TAF1B: variants seen among roughly 807,000 people sequenced by gnomAD.
TAF1B encodes the protein TATA box-binding protein-associated factor RNA polymerase I subunit B.
A neutral mutation model predicts 83.9 loss-of-function variants in TAF1B; 61 were observed. The observed-to-expected ratio is 0.73, with a 90% CI of 0.59 to 0.90. TAF1B has a LOEUF of 0.90. Ranked by LOEUF, TAF1B falls within the 40% of genes least tolerant of loss-of-function variation. The probability of loss-of-function intolerance (pLI) is 0.00; values close to 1 mark genes in which losing one functional copy is unlikely to be tolerated. For missense variants in TAF1B, 625 were observed against 677.0 expected, an observed-to-expected ratio of 0.92 and a Z score of 0.85; for synonymous variants, 221 against 224.6, an observed-to-expected ratio of 0.98 and a Z score of 0.14.
At chr2:9,887,275 T>C (rs566064490) in intron 8 of TAF1B, among the ~76,000 whole-genome samples, 4 of 152,368 alleles carry the variant, frequency 2.6e-5, no homozygotes, top group East Asian at 3.9e-4. Flanking sequence ...AAATGAGTTA[T>C]GTTTACTTGC....
intron 8 of TAF1B, among the ~76,000 whole-genome samples, chr2:9,888,110 T>TGG (rs1664736082): frequency 6.6e-6 from 1 of 152,232 alleles, no homozygotes; most frequent in Non-Finnish European, 1.5e-5. Context: ...ATCTCCACTG[T>TGG]TGATTTATTA....
intron 8 of TAF1B, among the ~76,000 whole-genome samples, chr2:9,883,373 T>TA (rs1664571173): frequency 1.3e-5 from 2 of 152,238 alleles, no homozygotes; most frequent in Non-Finnish European, 2.9e-5. Flanking sequence ...TACTAAATGT[T>TA]AAAGATTTTC....
intron 14 of TAF1B, among the ~76,000 whole-genome samples, chr2:9,930,579 T>C (rs1666182005): frequency 6.6e-6 from 1 of 152,216 alleles, no homozygotes; most frequent in Non-Finnish European, 1.5e-5. Context: ...AGTGCTTTAC[T>C]TCCAACTATG....
chr2:9,852,866 G>C (rs1295634715), intron 4 of TAF1B, among the ~76,000 whole-genome samples: 2 of 152,214 alleles, frequency 1.3e-5, no homozygotes, highest in Non-Finnish European at 2.9e-5. Flanking sequence ...GGAAAGATTT[G>C]TAGAGGAGCC....
intron 4 of TAF1B, among the ~76,000 whole-genome samples, chr2:9,853,721 G>A (rs1663472296): frequency 6.6e-6 from 1 of 152,116 alleles, no homozygotes; most frequent in South Asian, 2.1e-4. Context: ...CTCCTGCCTT[G>A]AAGTCTGGGG....
At chr2:9,910,946 T>C in intron 10 of TAF1B, 33 bp downstream of exon 10, 1 of 1,570,068 alleles carries the variant, frequency 6.4e-7, no homozygotes, top group Non-Finnish European at 8.7e-7. Flanking sequence ...ACAAGTAACA[T>C]TTTATGGTGC....
intron 8 of TAF1B, among the ~76,000 whole-genome samples, chr2:9,894,759 C>T (rs2125163377): frequency 6.6e-6 from 1 of 151,358 alleles, no homozygotes; most frequent in African/African-American, 2.4e-5. Flanking sequence ...TTACACTAGC[C>T]TAAACTAAAC....
chr2:9,908,488 T>G (rs1040572966), intron 9 of TAF1B, among the ~76,000 whole-genome samples: 9 of 152,330 alleles, frequency 5.9e-5, no homozygotes, highest in African/African-American at 1.9e-4. Flanking sequence ...GGTTAAAATT[T>G]TAGTGAAGGT....
Position 9,846,779 on chromosome 2 carries a change from T to C in TAF1B, c.117+1461T>C, listed in dbSNP as rs370653375. On this transcript the variant is annotated intron_variant, in intron 2 of 14. Coordinates refer to ENST00000263663, the MANE Select transcript of TAF1B (RefSeq NM_005680.3). ...AAGATATGTGCTCACTTGATGAAAT[T>C]GTTGGGGTGATGGAGATATTTATTA... 4.6e-5 allele frequency among the ~76,000 whole-genome samples: 7 copies of C among 152,284 alleles called. No individual in the cohort carries two copies. The East Asian group carries it at 1.4e-3, about 29-fold the overall frequency.
Position 9,849,416 on chromosome 2 carries a change from A to G in TAF1B, c.161A>G (p.Gln54Arg). Residue 54 changes from glutamine (Q) to arginine (R), a missense_variant, in exon 3 of 15, where the codon CAA becomes CGA. Coordinates refer to ENST00000263663, the MANE Select transcript of TAF1B (RefSeq NM_005680.3). Reference sequence around the variant, plus strand: ...AACACTGATCTTATTCCTAATACCCAAATAAAAGCCCTCAACCGGGGGCTT... The same window carrying G: ...AACACTGATCTTATTCCTAATACCCGAATAAAAGCCCTCAACCGGGGGCTT... ...VTNTDLIPNT[Q>R]IKALNRGLKK... is the part of the protein sequence containing the mutation. The G allele has an allele frequency of 6.3e-7, 1 of 1,598,008 alleles. No homozygotes were observed. The highest frequency in any genetic ancestry group is 2.2e-5 in the East Asian group (1 of 44,660).
intron 2 of TAF1B, chr2:9,845,806 A>C (rs1253494123): frequency 3.8e-6 from 1 of 266,454 alleles, no homozygotes; most frequent in African/African-American, 2.3e-5. Context: ...AACAATGGGA[A>C]ACTCCGTCTC....
At position 9,902,459 on chromosome 2, in the gene TAF1B, T is replaced by C. The variant is rs1665211560; in HGVS notation, c.808-2400T>C. Among the ~76,000 whole-genome samples the C allele has an allele frequency of 2.0e-5, 3 of 152,158 alleles. No homozygotes were observed. The South Asian group carries it at 6.2e-4, about 32-fold the overall frequency. On this transcript the variant is annotated intron_variant, in intron 8 of 14. Transcript: ENST00000263663. ...TCCTGACTTCTAACAGTACAGAAGA[T>C]GGGGACAGAGTTACTGAGTTTTATA...
chr2:9,909,020 A>C (rs1200788480), intron 9 of TAF1B, among the ~76,000 whole-genome samples: 2 of 152,256 alleles, frequency 1.3e-5, no homozygotes, highest in East Asian at 3.8e-4. Flanking sequence ...TCTGGTAGAC[A>C]GAAAAATACT....
At position 9,849,440 on chromosome 2, in the gene TAF1B, T is replaced by TA; in HGVS notation, c.185_186insA (p.Lys63Ter). 1 of 1,570,986 alleles carries TA rather than the reference T, an allele frequency of 6.4e-7. No homozygotes were observed. The highest frequency in any genetic ancestry group is 1.9e-5 in the Admixed American group (1 of 51,612). On this transcript the variant is annotated frameshift_variant, in exon 3 of 15. Transcript: ENST00000263663. LOFTEE classifies it high-confidence loss of function. ...CAAATAAAAGCCCTCAACCGGGGGCTTAAAAAAAAAAACAATACTGGTAAG... is the reference window on the plus strand; with the variant it reads ...CAAATAAAAGCCCTCAACCGGGGGCTATAAAAAAAAAAACAATACTGGTAAG...
intron 7 of TAF1B, among the ~76,000 whole-genome samples, chr2:9,880,447 TTTTTG>T (rs1664466811): frequency 6.9e-6 from 1 of 145,210 alleles, no homozygotes; most frequent in Non-Finnish European, 1.5e-5. Flanking sequence ...TTTTTTTTTT[TTTTTG>T]GAAAAACAAA....
At chr2:9,924,424 C>T (rs1665975001) in intron 14 of TAF1B, among the ~76,000 whole-genome samples, 1 of 152,146 alleles carries the variant, frequency 6.6e-6, no homozygotes, top group African/African-American at 2.4e-5. Flanking sequence ...TAAATGACAC[C>T]CTTTGACAAC....
At chr2:9,903,181 G>A (rs1007384750) in intron 8 of TAF1B, among the ~76,000 whole-genome samples, 3 of 152,146 alleles carry the variant, frequency 2.0e-5, no homozygotes, top group Non-Finnish European at 2.9e-5. Flanking sequence ...CGCCTCCTGG[G>A]TTCACGCCAT....
chr2:9,912,608 A>G (rs1665566216), intron 11 of TAF1B, among the ~76,000 whole-genome samples: 1 of 152,198 alleles, frequency 6.6e-6, no homozygotes, highest in Admixed American at 6.5e-5. Flanking sequence ...GAGCGCTTTG[A>G]CCTGTCTCCC....
At chr2:9,901,770 G>A (rs1665183878) in intron 8 of TAF1B, among the ~76,000 whole-genome samples, 2 of 152,068 alleles carry the variant, frequency 1.3e-5, no homozygotes, top group African/African-American at 4.8e-5. Flanking sequence ...TAAAAAGGAA[G>A]ACACCTTCTT....
Sources: gnomAD v4.1 joint callset for allele counts (sites outside exome capture counted in the v4.1 genomes callset) on GRCh38, gnomAD v4.1.1 for gene constraint, MANE v1.5 for transcripts, NCBI Gene and HGNC (gene_info 2026-07-23, HGNC 2026-07-21) for gene names.